Variants in RASSF5 observed in about 807,000 individuals in gnomAD.
RASSF5 encodes the protein ras association domain-containing protein 5.
In RASSF5, 25 loss-of-function variants were observed where a neutral mutation model predicts 40.5. That is an observed-to-expected ratio of 0.62 (90% CI 0.45 to 0.86). The LOEUF is 0.86. RASSF5 is among the 40% of genes least tolerant of loss of function. The pLI, the probability that RASSF5 is intolerant of heterozygous loss-of-function variation, is 0.00. For missense variants in RASSF5, 521 were observed against 572.8 expected (o/e 0.91, Z 0.92); for synonymous variants, 246 against 252.4 (o/e 0.97, Z 0.24).
intron 2 of RASSF5, among the ~76,000 whole-genome samples, chr1:206,569,386 G>A (rs567565094): frequency 7.2e-5 from 11 of 152,326 alleles, no homozygotes; most frequent in African/African-American, 2.4e-4. Flanking sequence ...GTCTTGTTAT[G>A]TAGATGAAAC....
chr1:206,574,805 G>A (rs1192926012), intron 2 of RASSF5, among the ~76,000 whole-genome samples: 5 of 151,826 alleles, frequency 3.3e-5, no homozygotes, highest in Non-Finnish European at 5.9e-5. Flanking sequence ...GGCCCCATAG[G>A]GATTCCTCTT....
intron 2 of RASSF5, among the ~76,000 whole-genome samples, chr1:206,557,904 C>G (rs546009274): frequency 1.3e-5 from 2 of 152,290 alleles, no homozygotes; most frequent in South Asian, 4.1e-4. Flanking sequence ...CGGTTCCATC[C>G]ACAGATCTCT....
intron 2 of RASSF5, among the ~76,000 whole-genome samples, chr1:206,558,289 G>A (rs781828234): frequency 9.2e-5 from 14 of 152,078 alleles, no homozygotes; most frequent in Non-Finnish European, 1.6e-4. Flanking sequence ...AGGGGCTTGC[G>A]TGTGTTTCCT....
chr1:206,527,894 G>C (rs904581232), intron 1 of RASSF5, among the ~76,000 whole-genome samples: 2 of 152,146 alleles, frequency 1.3e-5, no homozygotes, highest in African/African-American at 4.8e-5. Flanking sequence ...CAGGCATGAT[G>C]CATCTTCACT....
chr1:206,584,532 C>T lies in RASSF5; in HGVS notation c.836C>T (p.Ser279Phe). Residue 279 changes from serine (S) to phenylalanine (F), a missense_variant, in exon 4 of 6, where the codon TCC becomes TTC. This residue lies in a region of RASSF5 where 284 missense variants were observed against 360.8 expected (regional missense o/e 0.79). Coordinates refer to ENST00000579436, the MANE Select transcript of RASSF5 (RefSeq NM_182663.4). The surrounding 1 kb of genome is among the most constrained non-coding windows in gnomAD (Gnocchi z 4.9). ...GCGGCTACCACGGACAAGCGGACAT[C>T]CTTCTACCTGCCCCTAGATGCCATC... is the stretch of plus-strand genomic sequence containing the variant. ...NLAATTDKRT[S>F]FYLPLDAIKQ... 6.2e-7 allele frequency: 1 copy of T among 1,614,190 alleles called. No homozygotes were observed. Among genetic ancestry groups the T allele is most frequent in the Non-Finnish European group, 8.5e-7 (1 of 1,180,020 alleles).
chr1:206,551,363 G>A (rs1022553860), intron 2 of RASSF5, among the ~76,000 whole-genome samples: 2 of 152,142 alleles, frequency 1.3e-5, no homozygotes, highest in African/African-American at 2.4e-5. Context: ...CCAGTCCCCC[G>A]CTCCCTCCAC....
chr1:206,517,109 A>G (rs996242334), intron 1 of RASSF5, among the ~76,000 whole-genome samples: 19 of 152,234 alleles, frequency 1.2e-4, no homozygotes, highest in Non-Finnish European at 2.4e-4. Context: ...GCACAGACGT[A>G]TAAGTGCATC....
chr1:206,582,284 C>T (rs1185189690), intron 2 of RASSF5, among the ~76,000 whole-genome samples: 1 of 152,190 alleles, frequency 6.6e-6, no homozygotes, highest in Non-Finnish European at 1.5e-5. Flanking sequence ...TCATTGTTCA[C>T]TTATCCTTCC....
chr1:206,518,296 G>A (rs1384164950), intron 1 of RASSF5: 20 of 396,318 alleles, frequency 5.0e-5, no homozygotes, highest in Admixed American at 4.4e-5. Flanking sequence ...CAGGTCATGC[G>A]AGGCCCAGGG....
intron 2 of RASSF5, chr1:206,544,127 G>T (rs1375582803): frequency 6.6e-6 from 1 of 152,172 alleles, no homozygotes; most frequent in Non-Finnish European, 1.5e-5. Flanking sequence ...TGAATAGCTA[G>T]GTTCTAATCC....
intron 2 of RASSF5, chr1:206,543,883 A>T (rs976623037): frequency 6.6e-6 from 1 of 152,062 alleles, no homozygotes; most frequent in East Asian, 1.9e-4. Context: ...CCTCCTGAGT[A>T]GCTGGGATTA....
Position 206,508,019 on chromosome 1 carries a change from G to A in RASSF5, c.417G>A (p.Leu139=), listed in dbSNP as rs1666509176. 1.4e-6 allele frequency: 2 copies of A among 1,456,204 alleles called. No homozygotes were observed. Among genetic ancestry groups the A allele is most frequent in the South Asian group, 2.8e-5 (2 of 71,552 alleles). 90.2% of individuals were successfully genotyped at this position (1,456,204 alleles called of 1,614,324 possible). The change falls in exon 1 of 6, where the codon CTG becomes CTA. Residue 139 remains leucine, a synonymous_variant. Coordinates refer to ENST00000579436, the MANE Select transcript of RASSF5 (RefSeq NM_182663.4). ...VLPGGPGWCD[L]CGREVLRQAL... ...CGGGCGGCCCCGGCTGGTGTGACCT[G>A]TGCGGACGAGAGGTGCTGCGGCAGG...
intron 1 of RASSF5, chr1:206,529,004 GA>G: frequency 1.4e-6 from 1 of 709,382 alleles, no homozygotes. Flanking sequence ...CCCTGTTTGA[GA>G]AAAGGCCTAA....
At position 206,507,958 on chromosome 1, in the gene RASSF5, G is replaced by T; in HGVS notation, c.356G>T (p.Arg119Leu). The T allele has an allele frequency of 6.5e-7, 1 of 1,532,402 alleles. No homozygotes were observed. The highest frequency in any genetic ancestry group is 1.9e-5 in the Admixed American group (1 of 51,286). 94.9% of individuals were successfully genotyped at this position (1,532,402 alleles called of 1,614,324 possible). The change falls in exon 1 of 6, where the codon CGA (arginine) becomes CTA (leucine). Residue 119 changes from arginine (R) to leucine (L), a missense_variant. Coordinates refer to ENST00000579436, the MANE Select transcript of RASSF5 (RefSeq NM_182663.4). ...CAGGATCCCAGAGTCCCGGCGGAGC[G>T]AGGCGAGGGGCACTGCTTCGCCGAG... The part of the protein sequence containing the change: ...QPQDPRVPAE[R>L]GEGHCFAELV...
rs782007422 is a variant in RASSF5 at position 206,552,969 on chromosome 1, C to T, written c.579+14676C>T. On this transcript the variant is annotated intron_variant, in intron 2 of 5. Transcript: ENST00000579436. The surrounding 1 kb of genome is among the most constrained non-coding windows in gnomAD (Gnocchi z 4.1). Reference sequence around the variant, plus strand: ...CTGTAATCCCAGCACTTTGGGAGGCCGAGGCAGGCAGATCACGAGGTCAGG... The same window carrying T: ...CTGTAATCCCAGCACTTTGGGAGGCTGAGGCAGGCAGATCACGAGGTCAGG... 2.6e-5 allele frequency among the ~76,000 whole-genome samples: 4 copies of T among 151,952 alleles called. No individual in the cohort carries two copies. The highest frequency in any genetic ancestry group is 4.8e-5 in the African/African-American group (2 of 41,362).
chr1:206,564,113 G>A (rs1668221168), intron 2 of RASSF5, among the ~76,000 whole-genome samples: 1 of 152,140 alleles, frequency 6.6e-6, no homozygotes, highest in South Asian at 2.1e-4. Flanking sequence ...TGTCATGTGA[G>A]TGTCCTTATC....
intron 1 of RASSF5, chr1:206,518,344 C>G (rs1446400691): frequency 2.5e-6 from 1 of 398,300 alleles, no homozygotes; most frequent in African/African-American, 2.1e-5. Flanking sequence ...CACTCCACCC[C>G]TGACGCCAAG....
intron 1 of RASSF5, among the ~76,000 whole-genome samples, chr1:206,527,492 G>A (rs1247599553): frequency 3.3e-5 from 5 of 152,090 alleles, no homozygotes; most frequent in East Asian, 1.9e-4. Context: ...TCCAAGTCTC[G>A]CAGATATGGT....
At chr1:206,508,117 C>CT (rs1666513480) in intron 1 of RASSF5, 58 bp downstream of exon 1, 1 of 1,255,144 alleles carries the variant, frequency 8.0e-7, no homozygotes, top group Middle Eastern at 2.7e-4. Context: ...GGGCGAAGGA[C>CT]TGGGAGGGCC....
Sources: gnomAD v4.1 joint callset for allele counts (sites outside exome capture counted in the v4.1 genomes callset) on GRCh38, gnomAD v4.1.1 for gene constraint, gnomAD v4.1.1 regional missense constraint, Gnocchi (gnomAD v3.1) non-coding constraint, MANE v1.5 for transcripts, NCBI Gene and HGNC (gene_info 2026-07-23, HGNC 2026-07-21) for gene names.